The following MYO3B variants were observed in gnomAD, a reference collection of about 807,000 sequenced individuals.
MYO3B encodes the protein myosin-IIIb.
MYO3B carries 156 observed loss-of-function variants against 174.6 expected under a neutral mutation model. The ratio of observed to expected loss-of-function variants is 0.89; its 90% CI spans 0.78 to 1.02. The LOEUF (loss-of-function observed/expected upper bound fraction) is 1.02, where lower values mean the gene tolerates loss of function less well. Ranked by LOEUF, MYO3B falls within the 50% of genes least tolerant of loss-of-function variation. MYO3B has a pLI of 0.00. For synonymous variants in MYO3B, 563 were observed against 569.1 expected (o/e 0.99, Z 0.15); for missense variants, 1,632 against 1,639.4 (o/e 1.00, Z 0.08).
At chr2:170,482,490 A>C (rs1253084454) in intron 25 of MYO3B, among the ~76,000 whole-genome samples, 1 of 152,160 alleles carries the variant, frequency 6.6e-6, no homozygotes, top group African/African-American at 2.4e-5. Context: ...TCCACGTAAA[A>C]TGTGACTTGC....
intron 7 of MYO3B, among the ~76,000 whole-genome samples, chr2:170,273,084 G>A (rs1484064055): frequency 6.6e-6 from 1 of 152,030 alleles, no homozygotes; most frequent in Non-Finnish European, 1.5e-5. Context: ...TGCCATTTGA[G>A]ACTTAAGATC....
chr2:170,417,684 T>C (rs1458416982), intron 22 of MYO3B, among the ~76,000 whole-genome samples: 1 of 152,212 alleles, frequency 6.6e-6, no homozygotes, highest in Non-Finnish European at 1.5e-5. Flanking sequence ...TCCTTGTTTC[T>C]GCACCAACCC....
At chr2:170,305,628 A>G (rs973393134) in intron 7 of MYO3B, among the ~76,000 whole-genome samples, 4 of 152,166 alleles carry the variant, frequency 2.6e-5, no homozygotes, top group African/African-American at 9.7e-5. Flanking sequence ...CCCATCATTC[A>G]AGTAGTCTTA....
chr2:170,245,236 A>G (rs1262692532), intron 7 of MYO3B, among the ~76,000 whole-genome samples: 1 of 152,204 alleles, frequency 6.6e-6, no homozygotes, highest in African/African-American at 2.4e-5. Flanking sequence ...GTTAAAGGCA[A>G]TGGGGGTCTC....
At chr2:170,225,883 T>C (rs1381031927) in intron 6 of MYO3B, among the ~76,000 whole-genome samples, 1 of 152,242 alleles carries the variant, frequency 6.6e-6, no homozygotes, top group Non-Finnish European at 1.5e-5. Flanking sequence ...TAGGGGCTTC[T>C]AACAGTGGTG....
At chr2:170,535,937 C>T (rs1269738344) in intron 30 of MYO3B, among the ~76,000 whole-genome samples, 2 of 152,198 alleles carry the variant, frequency 1.3e-5, no homozygotes, top group African/African-American at 2.4e-5. Flanking sequence ...TCTCTCAGCT[C>T]CCTTGGTTGC....
chr2:170,507,206 T>A (rs1489706054), intron 28 of MYO3B, among the ~76,000 whole-genome samples: 1 of 152,100 alleles, frequency 6.6e-6, no homozygotes, highest in Non-Finnish European at 1.5e-5. Context: ...CTGGTGCACC[T>A]GAGCTTGAGA....
chr2:170,597,317 G>A lies in MYO3B; in HGVS notation c.3733+53329G>A, dbSNP rs1030349334. On this transcript the variant is annotated intron_variant, in intron 32 of 34. Coordinates refer to ENST00000408978, the MANE Select transcript of MYO3B (RefSeq NM_138995.5). ...GCCCAGGAGGCAGTTGCAGTGAGCCGAGATTGCGCCACTGCACTCCAGCTT... is the reference window on the plus strand; with the variant it reads ...GCCCAGGAGGCAGTTGCAGTGAGCCAAGATTGCGCCACTGCACTCCAGCTT... 2.7e-5 allele frequency among the ~76,000 whole-genome samples: 4 copies of A among 150,086 alleles called. No individual in the cohort carries two copies. In the South Asian group the frequency reaches 8.6e-4, roughly 32 times the overall value.
At chr2:170,417,174 A>C (rs2094586109) in intron 22 of MYO3B, among the ~76,000 whole-genome samples, 1 of 152,078 alleles carries the variant, frequency 6.6e-6, no homozygotes, top group African/African-American at 2.4e-5. Flanking sequence ...ACCTCCAAAG[A>C]GAGGTCTTCT....
chr2:170,588,191 G>A (rs1049543633), intron 32 of MYO3B, among the ~76,000 whole-genome samples: 1 of 152,032 alleles, frequency 6.6e-6, no homozygotes, highest in Non-Finnish European at 1.5e-5. Flanking sequence ...TAGCCCTTTG[G>A]GAGGCCGAGG....
At chr2:170,282,342 A>C (rs2093518071) in intron 7 of MYO3B, among the ~76,000 whole-genome samples, 1 of 152,112 alleles carries the variant, frequency 6.6e-6, no homozygotes, top group African/African-American at 2.4e-5. Flanking sequence ...TTTTCCCAGC[A>C]CCACTTATTG....
intron 14 of MYO3B, 93 bp downstream of exon 14, chr2:170,387,401 T>A: frequency 8.5e-7 from 1 of 1,177,876 alleles, no homozygotes. Flanking sequence ...TTCTTGTTCT[T>A]AACATTCCCC....
intron 7 of MYO3B, among the ~76,000 whole-genome samples, chr2:170,273,108 T>C (rs908784): frequency 0.89 from 134,847 of 152,124 alleles, 60,164 homozygotes; most frequent in East Asian, 0.96. Context: ...AGGGCCAAGA[T>C]TCAAAAGTGG....
intron 9 of MYO3B, among the ~76,000 whole-genome samples, chr2:170,374,184 T>G (rs1483783816): frequency 6.6e-6 from 1 of 152,182 alleles, no homozygotes; most frequent in Non-Finnish European, 1.5e-5. Context: ...ATGGTCTTCT[T>G]CAGGCTAGAG....
intron 3 of MYO3B, 97 bp from the exon 4 acceptor site, chr2:170,214,282 A>G (rs2092804006): frequency 5.5e-6 from 5 of 901,760 alleles, no homozygotes; most frequent in East Asian, 5.1e-5. Flanking sequence ...AATTTACTAC[A>G]TTGAATCAGT....
intron 7 of MYO3B, among the ~76,000 whole-genome samples, chr2:170,302,548 T>G (rs1160193980): frequency 2.0e-5 from 3 of 152,228 alleles, no homozygotes; most frequent in Non-Finnish European, 2.9e-5. Context: ...AACTTCTTCC[T>G]GACTCCAAAC....
At chr2:170,556,194 T>C (rs546585373) in intron 32 of MYO3B, among the ~76,000 whole-genome samples, 1 of 143,130 alleles carries the variant, frequency 7.0e-6, no homozygotes, top group Admixed American at 6.7e-5. Flanking sequence ...AGACTCTGTC[T>C]AGAAAAAAAA....
intron 32 of MYO3B, among the ~76,000 whole-genome samples, chr2:170,628,044 T>C (rs1170853986): frequency 2.0e-5 from 3 of 152,190 alleles, no homozygotes; most frequent in African/African-American, 7.2e-5. Context: ...TCAAACTCTG[T>C]GCTGGGAGAA....
intron 9 of MYO3B, among the ~76,000 whole-genome samples, chr2:170,376,524 T>A (rs2094294735): frequency 6.6e-6 from 1 of 152,208 alleles, no homozygotes; most frequent in African/African-American, 2.4e-5. Flanking sequence ...GAGTTCTCTC[T>A]ATGGCCATGG....
Sources: allele counts gnomAD v4.1 joint callset (sites outside exome capture counted in the v4.1 genomes callset), GRCh38; gene constraint gnomAD v4.1.1; transcripts MANE v1.5; gene names NCBI Gene and HGNC (gene_info 2026-07-23, HGNC 2026-07-21).